POU2AF2: variants seen among roughly 807,000 people sequenced by gnomAD.
POU2AF2 encodes POU domain class 2-associating factor 2.
At chr11:111,252,604 C>G in the POU2AF2 span, among the ~76,000 whole-genome samples, 1 of 151,662 alleles carries the variant, frequency 6.6e-6, no homozygotes, top group African/African-American at 2.4e-5. Context: ...CCCTGACTTT[C>G]TGTATTTCAG....
At chr11:111,255,804 T>A in the POU2AF2 span, among the ~76,000 whole-genome samples, 5 of 152,128 alleles carry the variant, frequency 3.3e-5, no homozygotes, top group Non-Finnish European at 7.4e-5. Context: ...TGAGTCTCTA[T>A]CAAAGATCAG....
At chr11:111,254,114 A>G in the POU2AF2 span, among the ~76,000 whole-genome samples, 4 of 152,374 alleles carry the variant, frequency 2.6e-5, no homozygotes, top group South Asian at 8.3e-4. Context: ...CACAGAAAAC[A>G]CTCAATCAAT....
the POU2AF2 span, among the ~76,000 whole-genome samples, chr11:111,254,468 T>A: frequency 6.6e-6 from 1 of 152,226 alleles, no homozygotes; most frequent in South Asian, 2.1e-4. Flanking sequence ...TTCAAGGAAT[T>A]TTCACATGTA....
chr11:111,280,080 A>ATG, the POU2AF2 span, among the ~76,000 whole-genome samples: 1 of 123,784 alleles, frequency 8.1e-6, no homozygotes, highest in African/African-American at 2.8e-5. Flanking sequence ...ATATATATAT[A>ATG]TCTTTTGGAG....
the POU2AF2 span, among the ~76,000 whole-genome samples, chr11:111,281,858 T>A: frequency 1.3e-5 from 2 of 152,200 alleles, no homozygotes; most frequent in Non-Finnish European, 2.9e-5. Context: ...CCTGTGGGGA[T>A]GTAAAAGGGG....
chr11:111,273,065 C>T, the POU2AF2 span, among the ~76,000 whole-genome samples: 1 of 152,084 alleles, frequency 6.6e-6, no homozygotes, highest in Non-Finnish European at 1.5e-5. Flanking sequence ...AGATAAGTGG[C>T]CTATAAATCA....
At chr11:111,256,234 C>A in the POU2AF2 span, 2 of 395,940 alleles carry the variant, frequency 5.1e-6, no homozygotes, top group Non-Finnish European at 8.9e-6. Context: ...TAGAATTATT[C>A]TGTGACAGAC....
chr11:111,268,747 G>A, the POU2AF2 span, among the ~76,000 whole-genome samples: 2 of 151,328 alleles, frequency 1.3e-5, no homozygotes, highest in Non-Finnish European at 1.5e-5. Flanking sequence ...GGGGTTTCAC[G>A]GTATTGGTCA....
chr11:111,281,865 G>A, the POU2AF2 span, among the ~76,000 whole-genome samples: 1 of 152,158 alleles, frequency 6.6e-6, no homozygotes, highest in African/African-American at 2.4e-5. Context: ...GGATGTAAAA[G>A]GGGAATTCCT....
the POU2AF2 span, among the ~76,000 whole-genome samples, chr11:111,246,440 C>T: frequency 1.9e-3 from 293 of 152,298 alleles, no homozygotes; most frequent in Non-Finnish European, 3.4e-3. Context: ...GAATAGTCAA[C>T]AGAGAGCAAA....
At chr11:111,285,100 A>G in the POU2AF2 span, among the ~76,000 whole-genome samples, 2 of 152,230 alleles carry the variant, frequency 1.3e-5, no homozygotes, top group Non-Finnish European at 2.9e-5. Context: ...ACAGATGAGC[A>G]ATGTCGGGCT....
the POU2AF2 span, among the ~76,000 whole-genome samples, chr11:111,255,496 C>T: frequency 1.3e-5 from 2 of 152,128 alleles, no homozygotes; most frequent in African/African-American, 4.8e-5. Flanking sequence ...CAATAACAAA[C>T]AACTTTCTTC....
chr11:111,285,862 T>C, the POU2AF2 span: 2 of 1,609,870 alleles, frequency 1.2e-6, no homozygotes, highest in Middle Eastern at 3.3e-4. Flanking sequence ...TGCACCACAC[T>C]CCGGGGTACC....
the POU2AF2 span, among the ~76,000 whole-genome samples, chr11:111,265,474 T>C: frequency 6.6e-6 from 1 of 152,108 alleles, no homozygotes; most frequent in Non-Finnish European, 1.5e-5. Flanking sequence ...GTTCTGACTC[T>C]TGTGTGTGAA....
At chr11:111,273,285 G>A in the POU2AF2 span, among the ~76,000 whole-genome samples, 1 of 151,960 alleles carries the variant, frequency 6.6e-6, no homozygotes. Flanking sequence ...AAGACTAACT[G>A]TGTTAACATC....
At chr11:111,280,078 A>ATATATC in the POU2AF2 span, among the ~76,000 whole-genome samples, 1 of 129,636 alleles carries the variant, frequency 7.7e-6, no homozygotes, top group African/African-American at 2.7e-5. Flanking sequence ...ATATATATAT[A>ATATATC]TATCTTTTGG....
At chr11:111,284,187 A>G in the POU2AF2 span, 1 of 1,614,202 alleles carries the variant, frequency 6.2e-7, no homozygotes, top group Non-Finnish European at 8.5e-7. Flanking sequence ...AGCGTGGGGA[A>G]GCCGTTTCCC....
chr11:111,285,530 C>A, the POU2AF2 span: 2 of 1,015,634 alleles, frequency 2.0e-6, no homozygotes, highest in South Asian at 1.8e-5. Context: ...AGCCTGAGAG[C>A]CAGGCTTCAG....
the POU2AF2 span, among the ~76,000 whole-genome samples, chr11:111,276,653 G>GA: frequency 1.5e-4 from 19 of 126,388 alleles, no homozygotes; most frequent in South Asian, 1.5e-3. Context: ...AAAAAAAAAA[G>GA]AAAAAAAAAG....
Sources: gnomAD v4.1 joint callset for allele counts (sites outside exome capture counted in the v4.1 genomes callset) on GRCh38, gnomAD v4.1.1 for gene constraint, MANE v1.5 for transcripts, NCBI Gene and HGNC (gene_info 2026-07-23, HGNC 2026-07-21) for gene names.